The following PLXDC2 variants were observed in gnomAD, a reference collection of about 807,000 sequenced individuals.
PLXDC2 encodes the protein plexin domain containing 2.
A neutral mutation model predicts 68.9 loss-of-function variants in PLXDC2; 40 were observed. The ratio of observed to expected loss-of-function variants is 0.58; its 90% CI spans 0.45 to 0.76. The LOEUF is 0.76. Ranked by LOEUF, PLXDC2 falls within the 30% of genes least tolerant of loss-of-function variation. The pLI is 0.00. For missense variants in PLXDC2, 644 were observed against 661.9 expected (o/e 0.97, Z 0.30); for synonymous variants, 243 against 234.2 (o/e 1.04, Z -0.34).
At chr10:20,278,025 A>G (rs995183554) in intron 13 of PLXDC2, among the ~76,000 whole-genome samples, 1 of 152,156 alleles carries the variant, frequency 6.6e-6, no homozygotes, top group African/African-American at 2.4e-5. Context: ...ACAGGATCTC[A>G]TTATTTTTAA....
chr10:20,152,619 G>GT (rs1239230115), intron 6 of PLXDC2, among the ~76,000 whole-genome samples: 1 of 151,944 alleles, frequency 6.6e-6, no homozygotes, highest in Non-Finnish European at 1.5e-5. Context: ...GTATCCAGTT[G>GT]TTTTTTAGAC....
At chr10:19,968,749 T>A (rs1016044536) in intron 1 of PLXDC2, among the ~76,000 whole-genome samples, 2 of 152,218 alleles carry the variant, frequency 1.3e-5, no homozygotes, top group African/African-American at 4.8e-5. Context: ...AGTAGCAGGA[T>A]ATAGAGGAAA....
intron 1 of PLXDC2, among the ~76,000 whole-genome samples, chr10:19,895,731 A>G (rs1425203535): frequency 1.3e-5 from 2 of 152,106 alleles, no homozygotes; most frequent in Admixed American, 1.3e-4. Flanking sequence ...CTTTCCAGCC[A>G]CCATGTGAGA....
intron 13 of PLXDC2, among the ~76,000 whole-genome samples, chr10:20,274,934 G>A (rs1307090983): frequency 6.6e-6 from 1 of 150,592 alleles, no homozygotes; most frequent in African/African-American, 2.4e-5. Context: ...TGACTTGTTT[G>A]TTTGAAATCC....
chr10:20,106,535 AG>A (rs1452145114), intron 4 of PLXDC2, among the ~76,000 whole-genome samples: 3 of 152,162 alleles, frequency 2.0e-5, no homozygotes, highest in African/African-American at 7.2e-5. Flanking sequence ...CCCTTCACCA[AG>A]CCTCTCATTG....
intron 10 of PLXDC2, among the ~76,000 whole-genome samples, chr10:20,216,606 A>C (rs888016635): frequency 6.6e-6 from 1 of 152,158 alleles, no homozygotes; most frequent in African/African-American, 2.4e-5. Context: ...AAAATGTGGG[A>C]TGAGAACCAC....
intron 1 of PLXDC2, among the ~76,000 whole-genome samples, chr10:19,879,920 A>C (rs188450958): frequency 2.0e-5 from 3 of 152,246 alleles, no homozygotes; most frequent in South Asian, 2.1e-4. Flanking sequence ...GAGGAGAAAA[A>C]ATATTATGGT....
intron 4 of PLXDC2, among the ~76,000 whole-genome samples, chr10:20,082,070 A>AAAAAACC (rs1554765388): frequency 8.2e-6 from 1 of 121,932 alleles, no homozygotes; most frequent in Non-Finnish European, 1.8e-5. Context: ...AAATCAAAAA[A>AAAAAACC]AAAAAACAGG....
intron 9 of PLXDC2, among the ~76,000 whole-genome samples, chr10:20,189,034 A>ATG: frequency 3.3e-4 from 25 of 76,078 alleles, no homozygotes; most frequent in Non-Finnish European, 6.6e-4. Context: ...TTTAATGAAG[A>ATG]ATCTTCGCTT....
At chr10:19,938,706 A>T (rs1258778800) in intron 1 of PLXDC2, among the ~76,000 whole-genome samples, 1 of 152,190 alleles carries the variant, frequency 6.6e-6, no homozygotes, top group Non-Finnish European at 1.5e-5. Context: ...AGTGAGATCA[A>T]GTTGTGGATA....
chr10:19,962,895 C>T (rs1402479319), intron 1 of PLXDC2, among the ~76,000 whole-genome samples: 2 of 144,314 alleles, frequency 1.4e-5, no homozygotes, highest in African/African-American at 5.2e-5. Context: ...GAGGCTGAGG[C>T]GGGAGAATGG....
rs544955529 is a variant in PLXDC2, at chr10:19,867,108, C to G, written c.112+49917C>G. Reference sequence around the variant, plus strand: ...TTGACAGAGTTTCCATCTTGTTGCCCAGGCTGGAGTGCAATGTTGCGATCT... The same window carrying G: ...TTGACAGAGTTTCCATCTTGTTGCCGAGGCTGGAGTGCAATGTTGCGATCT... On this transcript the variant is annotated intron_variant, in intron 1 of 13. Coordinates refer to ENST00000377252, the MANE Select transcript of PLXDC2 (RefSeq NM_032812.9). Among the ~76,000 whole-genome samples, 8 of 147,728 alleles carry G rather than the reference C, an allele frequency of 5.4e-5. No individual in the cohort carries two copies. The East Asian group carries it at 1.0e-3, about 19-fold the overall frequency.
chr10:20,281,149 A>G lies in PLXDC2; in HGVS notation c.*1330A>G, dbSNP rs1836077415. ...TTGATCCACTTTTTCGTTTATGTCA[A>G]CCCCTTCCCTCTCTGGCTAAATAAA... On this transcript the variant is annotated 3_prime_UTR_variant, in exon 14 of 14. Coordinates refer to ENST00000377252, the MANE Select transcript of PLXDC2 (RefSeq NM_032812.9). 1 of 152,014 alleles carries G rather than the reference A, an allele frequency of 6.6e-6. No homozygotes were observed. Among genetic ancestry groups the G allele is most frequent in the South Asian group, 2.1e-4 (1 of 4,826 alleles). 9.4% of individuals were successfully genotyped at this position (152,014 alleles called of 1,614,324 possible).
chr10:19,914,649 T>C (rs1032228554), intron 1 of PLXDC2, among the ~76,000 whole-genome samples: 2 of 152,174 alleles, frequency 1.3e-5, no homozygotes, highest in Admixed American at 1.3e-4. Context: ...ATGACCTAAT[T>C]TATACCTTTG....
intron 2 of PLXDC2, among the ~76,000 whole-genome samples, chr10:20,032,575 G>A (rs1253150011): frequency 2.0e-5 from 3 of 152,088 alleles, no homozygotes; most frequent in Non-Finnish European, 4.4e-5. Flanking sequence ...CTGATAAGTA[G>A]CCTAATAGAA....
At chr10:20,156,301 G>T (rs2131806345) in intron 6 of PLXDC2, among the ~76,000 whole-genome samples, 1 of 152,256 alleles carries the variant, frequency 6.6e-6, no homozygotes, top group Non-Finnish European at 1.5e-5. Flanking sequence ...TCTTAACTCA[G>T]AGGGCACACT....
At chr10:20,056,958 T>A (rs1836009014) in intron 3 of PLXDC2, among the ~76,000 whole-genome samples, 1 of 152,138 alleles carries the variant, frequency 6.6e-6, no homozygotes, top group South Asian at 2.1e-4. Flanking sequence ...ACTTTTATAA[T>A]CATAAAGCCT....
At chr10:20,258,942 A>C (rs1835776888) in intron 13 of PLXDC2, among the ~76,000 whole-genome samples, 1 of 150,186 alleles carries the variant, frequency 6.7e-6, no homozygotes, top group Admixed American at 6.7e-5. Flanking sequence ...CGGGAGGTGG[A>C]GCTTGCAGTG....
intron 1 of PLXDC2, among the ~76,000 whole-genome samples, chr10:19,895,244 G>A (rs928004669): frequency 3.3e-5 from 5 of 152,030 alleles, no homozygotes; most frequent in African/African-American, 1.2e-4. Flanking sequence ...AGGGGCCAGG[G>A]GACAAACCAG....
Sources: gnomAD v4.1 joint callset for allele counts (sites outside exome capture counted in the v4.1 genomes callset) on GRCh38, gnomAD v4.1.1 for gene constraint, MANE v1.5 for transcripts, NCBI Gene and HGNC (gene_info 2026-07-23, HGNC 2026-07-21) for gene names.